The following EGF variants were observed in gnomAD, a reference collection of about 807,000 sequenced individuals.
The protein encoded by EGF is epidermal growth factor, also known as pro-epidermal growth factor.
EGF carries 95 observed loss-of-function variants against 143.8 expected under a neutral mutation model. The observed-to-expected ratio is 0.66, with a 90% CI of 0.56 to 0.78. The LOEUF (loss-of-function observed/expected upper bound fraction) is 0.78. Ranked by LOEUF, EGF falls within the 30% of genes least tolerant of loss-of-function variation. EGF has a pLI of 0.00. For synonymous variants in EGF, 510 were observed against 510.5 expected (o/e 1.00, Z 0.01); for missense variants, 1,320 against 1,470.9 (o/e 0.90, Z 1.68).
In EGF at chr4:109,974,685, A is replaced by AT. The variant is rs1444171266; in HGVS notation, c.1725-14dup. On this transcript the variant is annotated splice_polypyrimidine_tract_variant and intron_variant, in intron 11 of 23. Transcript: ENST00000265171. The stretch of plus-strand genomic sequence containing the variant: ...TAAAGGTGTTATAACAAACTCCCTT[A>AT]TTTTGCACATATTTTAGGAAATCTC... 1 of 1,586,474 alleles carries AT rather than the reference A, an allele frequency of 6.3e-7. No homozygotes were observed. The highest frequency in any genetic ancestry group is 1.7e-5 in the Admixed American group (1 of 59,926).
chr4:110,011,389 A>T lies in EGF; in HGVS notation c.3558A>T (p.Leu1186=), dbSNP rs763209182. 1 of 1,614,188 alleles carries T rather than the reference A, an allele frequency of 6.2e-7. No homozygotes were observed. Among genetic ancestry groups the T allele is most frequent in the South Asian group, 1.1e-5 (1 of 91,084 alleles). The part of the protein sequence containing the change: ...EGGVEKPHSL[L]SANPLWQQRA... ...GTGTCGAGAAGCCCCATTCTCTCCT[A>T]TCAGCTAACCCATTATGGCAACAAA... is the stretch of plus-strand genomic sequence containing the variant. Residue 1186 remains leucine, a synonymous_variant, in exon 24 of 24, where the codon CTA becomes CTT. Coordinates refer to ENST00000265171, the MANE Select transcript of EGF (RefSeq NM_001963.6).
At position 109,988,510 on chromosome 4, in the gene EGF, C is replaced by T. The variant is rs1205577612; in HGVS notation, c.2609-74C>T. 5.6e-6 allele frequency: 9 copies of T among 1,602,610 alleles called. No homozygotes were observed. The African/African-American group carries it at 6.7e-5, about 12-fold the overall frequency. On this transcript the variant is annotated intron_variant, in intron 17 of 23. Coordinates refer to ENST00000265171, the MANE Select transcript of EGF (RefSeq NM_001963.6). ...AATAAGAATTGAATATACGATTATG[C>T]TTATTCTTTCCAACTAGTCCCATTT...
chr4:109,999,905 C>G (rs1048567435), intron 21 of EGF, 59 bp downstream of exon 21: 3 of 1,605,476 alleles, frequency 1.9e-6, no homozygotes, highest in Non-Finnish European at 2.6e-6. Flanking sequence ...CAGGGGAATG[C>G]CTGTCTCCTT....
rs556347397 is a variant in EGF, at chr4:109,974,860, A to G, written c.1829+53A>G. ...CTCTGCAGAGGTCATGTGACAGTTC[A>G]TGGTTGATATGCTAGTGTCCAAAAC... On this transcript the variant is annotated intron_variant, in intron 12 of 23. Coordinates refer to ENST00000265171, the MANE Select transcript of EGF (RefSeq NM_001963.6). The G allele has an allele frequency of 2.9e-6, 4 of 1,399,566 alleles. No homozygotes were observed. In the South Asian group the frequency reaches 3.5e-5, roughly 12 times the overall value. The allele number at this position is 1,399,566 out of a possible 1,614,324, so 86.7% of individuals were successfully genotyped here. A position where few individuals can be genotyped will look rare whatever the true frequency, so the allele number is the denominator to read the frequency against.
chr4:109,952,623 T>A (rs10015673), intron 5 of EGF, among the ~76,000 whole-genome samples: 2,406 of 152,362 alleles, frequency 0.016, 67 homozygotes, highest in African/African-American at 0.054. Flanking sequence ...ATTATTAGTT[T>A]AAACACATAA....
At chr4:109,913,819 TTGTC>T (rs947389861) in intron 1 of EGF, among the ~76,000 whole-genome samples, 3 of 152,206 alleles carry the variant, frequency 2.0e-5, no homozygotes, top group African/African-American at 7.2e-5. Flanking sequence ...GATTTTTTGT[TTGTC>T]TGTTTGAAAC....
rs149396860 is a variant in EGF, at chr4:109,923,659, C to T, written c.127+10197C>T. 5.5e-3 allele frequency among the ~76,000 whole-genome samples: 828 copies of T among 151,584 alleles called. 35 individuals carry two copies. Among genetic ancestry groups the T allele is most frequent in the African/African-American group, 0.019 (774 of 40,912 alleles). On this transcript the variant is annotated intron_variant, in intron 1 of 23. Transcript: ENST00000265171. ...TTTTGAGACAGGGTCTCACTCTTGT[C>T]ACCCAGGCTGGAGGGCAATGGCACA...
chr4:109,921,061 T>C (rs1737703606), intron 1 of EGF, among the ~76,000 whole-genome samples: 1 of 151,534 alleles, frequency 6.6e-6, no homozygotes, highest in East Asian at 1.9e-4. Context: ...ACAGAAGGGA[T>C]CTTTACACTT....
chr4:109,989,653 A>G (rs915515366), intron 18 of EGF, among the ~76,000 whole-genome samples: 1 of 152,248 alleles, frequency 6.6e-6, no homozygotes, highest in Non-Finnish European at 1.5e-5. Context: ...GTCAGTCAGG[A>G]AAATGTCACT....
Position 109,916,810 on chromosome 4 carries a change from C to T in EGF, c.127+3348C>T, listed in dbSNP as rs569822040. ...GTATTTTCTAAATGTGGCTTGGTTT[C>T]GCCTATAATCATCGAACATTTTTTA... On this transcript the variant is annotated intron_variant, in intron 1 of 23. Transcript: ENST00000265171. 3.0e-4 allele frequency among the ~76,000 whole-genome samples: 46 copies of T among 152,070 alleles called. 1 individual carries two copies. The highest frequency in any genetic ancestry group is 1.0e-4 in the Non-Finnish European group (7 of 67,996).
chr4:110,005,821 G>A (rs1391527830), intron 22 of EGF, among the ~76,000 whole-genome samples: 1 of 152,182 alleles, frequency 6.6e-6, no homozygotes, highest in Non-Finnish European at 1.5e-5. Flanking sequence ...GAATCCTTAG[G>A]GAAGAGCTAT....
chr4:109,920,684 T>C (rs968586535), intron 1 of EGF, among the ~76,000 whole-genome samples: 1 of 151,706 alleles, frequency 6.6e-6, no homozygotes, highest in African/African-American at 2.4e-5. Flanking sequence ...TTATAGTTTC[T>C]CATGTGAGAA....
chr4:109,991,633 A>T (rs557874086), intron 18 of EGF, among the ~76,000 whole-genome samples: 1 of 152,340 alleles, frequency 6.6e-6, no homozygotes, highest in South Asian at 2.1e-4. Context: ...GAAAGAAAGG[A>T]TGACTTTTCT....
In EGF at chr4:109,980,940, C is replaced by A. The variant is rs752806358; in HGVS notation, c.2336C>A (p.Thr779Lys). Reference sequence around the variant, plus strand: ...TTTATGAAAGCCTCAGATGGGAAAACGTGTCTGGCTCTGGATGGTCATCAG... The same window carrying A: ...TTTATGAAAGCCTCAGATGGGAAAAAGTGTCTGGCTCTGGATGGTCATCAG... ...EGFMKASDGK[T>K]CLALDGHQLL... Residue 779 changes from threonine (T) to lysine (K), a missense_variant, in exon 15 of 24, where the codon ACG becomes AAG. This residue lies in a region of EGF where 1,186 missense variants were observed against 1,313.7 expected (regional missense o/e 0.90). Coordinates refer to ENST00000265171, the MANE Select transcript of EGF (RefSeq NM_001963.6). 1 of 1,614,040 alleles carries A rather than the reference C, an allele frequency of 6.2e-7. No individual in the cohort carries two copies. Among genetic ancestry groups the A allele is most frequent in the Admixed American group, 1.7e-5 (1 of 60,006 alleles).
Position 109,983,519 on chromosome 4 carries a change from A to G in EGF, c.2469A>G (p.Leu823=), listed in dbSNP as rs766863750. 6.8e-6 allele frequency: 11 copies of G among 1,613,708 alleles called. No individual in the cohort carries two copies. Among genetic ancestry groups the G allele is most frequent in the Admixed American group, 6.7e-5 (4 of 59,990 alleles). ...ACATTACAGAATCTCAACACATGCT[A>G]GTGGCTGAAATCATGGTGTCAGGTA... ...EDNITESQHM[L]VAEIMVSDQD... is the part of the protein sequence containing the mutation. The change falls in exon 16 of 24, where the codon CTA becomes CTG. Residue 823 remains leucine (L), a synonymous_variant. Transcript: ENST00000265171.
chr4:109,920,385 C>T (rs1464102344), intron 1 of EGF, among the ~76,000 whole-genome samples: 1 of 151,558 alleles, frequency 6.6e-6, no homozygotes, highest in Admixed American at 6.6e-5. Flanking sequence ...AGAGCGTTTT[C>T]AAAATAGTCA....
rs1320687967 is a variant in EGF, at chr4:110,010,583, C to CT, written c.3371-618dup. Reference sequence around the variant, plus strand: ...CCTCCCACCTCAGCCTCCTAAGTAGCTGAGACCACAGGCATGCACTACCAT... The same window carrying CT: ...CCTCCCACCTCAGCCTCCTAAGTAGCTTGAGACCACAGGCATGCACTACCAT... On this transcript the variant is annotated intron_variant, in intron 23 of 23. Transcript: ENST00000265171. 6.6e-5 allele frequency among the ~76,000 whole-genome samples: 10 copies of CT among 152,250 alleles called. No homozygotes were observed. In the East Asian group the frequency reaches 1.9e-3, roughly 29 times the overall value.
At chr4:109,948,576 T>C (rs2126022262) in intron 5 of EGF, among the ~76,000 whole-genome samples, 1 of 152,200 alleles carries the variant, frequency 6.6e-6, no homozygotes, top group East Asian at 1.9e-4. Context: ...CTCCATTTCC[T>C]GACATCAAGC....
intron 13 of EGF, among the ~76,000 whole-genome samples, chr4:109,977,794 T>C (rs1748728463): frequency 2.0e-5 from 3 of 152,180 alleles, no homozygotes; most frequent in Non-Finnish European, 4.4e-5. Context: ...GAGCCGTGAT[T>C]GTGCAACTGT....
Sources: gnomAD v4.1 joint callset for allele counts (sites outside exome capture counted in the v4.1 genomes callset) on GRCh38, gnomAD v4.1.1 for gene constraint, gnomAD v4.1.1 regional missense constraint, MANE v1.5 for transcripts, NCBI Gene and HGNC (gene_info 2026-07-23, HGNC 2026-07-21) for gene names.